The following KCNH5 variants were observed in gnomAD, a reference collection of about 807,000 sequenced individuals.
The protein encoded by KCNH5 is potassium voltage-gated channel subfamily H member 5, also known as voltage-gated delayed rectifier potassium channel KCNH5.
KCNH5 carries 46 observed loss-of-function variants against 96.1 expected under a neutral mutation model. The observed-to-expected ratio is 0.48, with a 90% CI of 0.38 to 0.61. The LOEUF (loss-of-function observed/expected upper bound fraction) is 0.61, where lower values mean the gene tolerates loss of function less well. KCNH5 is among the 20% of genes least tolerant of loss of function. KCNH5 has a pLI of 0.00. For missense variants in KCNH5, 907 were observed against 1,225.8 expected, an observed-to-expected ratio of 0.74 and a Z score of 3.88; for synonymous variants, 439 against 449.8, an observed-to-expected ratio of 0.98 and a Z score of 0.30.
intron 8 of KCNH5, among the ~76,000 whole-genome samples, chr14:62,839,885 G>T (rs956162532): frequency 5.3e-5 from 8 of 152,056 alleles, no homozygotes; most frequent in South Asian, 2.1e-4. Context: ...AAATTCTATT[G>T]TTTTTTTCTA....
At chr14:62,886,327 T>C (rs867813386) in intron 7 of KCNH5, among the ~76,000 whole-genome samples, 10 of 152,186 alleles carry the variant, frequency 6.6e-5, no homozygotes, top group African/African-American at 2.2e-4. Flanking sequence ...ACGTGAAAAT[T>C]TGTGCTTTGA....
At position 62,732,271 on chromosome 14, in the gene KCNH5, G is replaced by A. The variant is rs183367747; in HGVS notation, c.2020-23816C>T. On this transcript the variant is annotated intron_variant, in intron 10 of 10. Transcript: ENST00000322893. ...CTCCACCTATAGAATGAACACAACC[G>A]TGCTTCTTTTTCTCTTTCCTTTCCC... Among the ~76,000 whole-genome samples, 453 of 152,066 alleles carry A rather than the reference G, an allele frequency of 3.0e-3. 3 individuals are homozygous for A. The highest frequency in any genetic ancestry group is 8.7e-3 in the Admixed American group (133 of 15,288).
intron 7 of KCNH5, among the ~76,000 whole-genome samples, chr14:62,881,672 C>T (rs1888494803): frequency 2.0e-5 from 3 of 152,154 alleles, no homozygotes; most frequent in African/African-American, 7.2e-5. Flanking sequence ...ATGCACATTA[C>T]TAGTCATGGG....
intron 9 of KCNH5, among the ~76,000 whole-genome samples, chr14:62,795,306 G>A (rs1886517653): frequency 6.6e-6 from 1 of 152,142 alleles, no homozygotes; most frequent in South Asian, 2.1e-4. Context: ...ATATAGCAGA[G>A]TTGGCCCTCC....
chr14:62,830,059 G>A (rs976557013), intron 8 of KCNH5, among the ~76,000 whole-genome samples: 3 of 152,130 alleles, frequency 2.0e-5, no homozygotes, highest in Non-Finnish European at 4.4e-5. Context: ...TACATCTCTA[G>A]GGCAGGGGCA....
In KCNH5 at chr14:62,702,193, C is replaced by T. The variant is rs540959424; in HGVS notation, c.*5315G>A. On this transcript the variant is annotated 3_prime_UTR_variant, in exon 11 of 11. Transcript: ENST00000322893. ...ACCACATTTGACAGTTTACTTTGGC[C>T]GATGTCTTTCAACTGTTAGGAGAAG... The T allele has an allele frequency of 8.5e-5, 13 of 152,146 alleles. No individual in the cohort carries two copies. The highest frequency in any genetic ancestry group is 4.6e-4 in the Admixed American group (7 of 15,264). 9.4% of individuals were successfully genotyped at this position (152,146 alleles called of 1,614,324 possible). A position where few individuals can be genotyped will look rare whatever the true frequency, so the allele number is the denominator to read the frequency against.
At chr14:62,729,861 A>C in intron 10 of KCNH5, among the ~76,000 whole-genome samples, 1 of 152,220 alleles carries the variant, frequency 6.6e-6, no homozygotes, top group African/African-American at 2.4e-5. Flanking sequence ...GCACCAGTAC[A>C]TCTAGGGGAC....
At chr14:63,012,541 C>T (rs1280294835) in intron 2 of KCNH5, among the ~76,000 whole-genome samples, 1 of 152,074 alleles carries the variant, frequency 6.6e-6, no homozygotes, top group African/African-American at 2.4e-5. Flanking sequence ...TTCTATTATC[C>T]AGCAATCCCA....
In KCNH5 at chr14:62,773,419, TGAG is replaced by T. The variant is rs543147989; in HGVS notation, c.2019+6306_2019+6308del. Reference sequence around the variant, plus strand: ...CATCTCCTTTATGCCGCCTGTGTACTGAGAATAACCCTCTCGTAGCACTTATCT... The same window carrying T: ...CATCTCCTTTATGCCGCCTGTGTACTAATAACCCTCTCGTAGCACTTATCT... On this transcript the variant is annotated intron_variant, in intron 10 of 10. Coordinates refer to ENST00000322893, the MANE Select transcript of KCNH5 (RefSeq NM_139318.5). Among the ~76,000 whole-genome samples the T allele has an allele frequency of 8.1e-4, 123 of 152,310 alleles. 1 individual carries two copies. The highest frequency in any genetic ancestry group is 1.2e-3 in the Non-Finnish European group (84 of 68,026).
chr14:62,925,910 G>T (rs183513185), intron 7 of KCNH5, among the ~76,000 whole-genome samples: 25 of 152,146 alleles, frequency 1.6e-4, no homozygotes, highest in African/African-American at 6.0e-4. Flanking sequence ...TCAGATAAAA[G>T]TCCTTACAGT....
intron 9 of KCNH5, among the ~76,000 whole-genome samples, chr14:62,801,862 A>C (rs1886668579): frequency 6.6e-6 from 1 of 152,034 alleles, no homozygotes; most frequent in South Asian, 2.1e-4. Flanking sequence ...CTGGGGTAAA[A>C]TGATCTATTT....
rs66735494 is a variant in KCNH5, at chr14:62,878,201, TGG to T, written c.1370-28351_1370-28350del. Among the ~76,000 whole-genome samples, 78 of 89,598 alleles carry T rather than the reference TGG, an allele frequency of 8.7e-4. 1 individual carries two copies. The highest frequency in any genetic ancestry group is 4.0e-3 in the African/African-American group (74 of 18,528). 58.8% of individuals were successfully genotyped at this position (89,598 alleles called of 152,430 possible). ...CACACTCTGGGGACTGTTGTGGGGA[TGG>T]GGGGGGGGGCGGAGGGATAGCATTA... On this transcript the variant is annotated intron_variant, in intron 7 of 10. Transcript: ENST00000322893.
chr14:63,038,667 A>T (rs893010930), intron 1 of KCNH5, among the ~76,000 whole-genome samples: 1 of 152,098 alleles, frequency 6.6e-6, no homozygotes, highest in Non-Finnish European at 1.5e-5. Context: ...ACTAGGTAAT[A>T]GTATCCACAT....
chr14:62,797,859 G>GAT (rs1430732058), intron 9 of KCNH5, among the ~76,000 whole-genome samples: 2 of 151,808 alleles, frequency 1.3e-5, no homozygotes, highest in African/African-American at 4.8e-5. Flanking sequence ...CCCAAATACA[G>GAT]ATATATGCCA....
Position 62,908,782 on chromosome 14 carries a change from A to ATTTTTTTTTTTTTTTTTTTTTTTTTTTTT in KCNH5, c.1369+41322_1369+41350dup, listed in dbSNP as rs71120241. On this transcript the variant is annotated intron_variant, in intron 7 of 10. Coordinates refer to ENST00000322893, the MANE Select transcript of KCNH5 (RefSeq NM_139318.5). ...TTGCCCTTTGTTGATTTTGCTTTGT[A>ATTTTTTTTTTTTTTTTTTTTTTTTTTTTT]TTTTTTTTTTTTTTTTTTTTTTTTT... Among the ~76,000 whole-genome samples, 6 of 23,718 alleles carry ATTTTTTTTTTTTTTTTTTTTTTTTTTTTT rather than the reference A, an allele frequency of 2.5e-4. 2 individuals are homozygous for ATTTTTTTTTTTTTTTTTTTTTTTTTTTTT. In the East Asian group the frequency reaches 5.0e-3, roughly 20 times the overall value. 15.6% of individuals were successfully genotyped at this position (23,718 alleles called of 152,430 possible).
At chr14:62,842,345 A>G (rs1399549606) in intron 8 of KCNH5, among the ~76,000 whole-genome samples, 1 of 152,040 alleles carries the variant, frequency 6.6e-6, no homozygotes, top group Non-Finnish European at 1.5e-5. Flanking sequence ...TGAGGTTTCA[A>G]ATAAAGTCTA....
chr14:63,031,540 A>T (rs1269660376), intron 1 of KCNH5, among the ~76,000 whole-genome samples: 1 of 152,112 alleles, frequency 6.6e-6, no homozygotes, highest in African/African-American at 2.4e-5. Context: ...TTTTTATGAA[A>T]ATCATATCCT....
intron 10 of KCNH5, among the ~76,000 whole-genome samples, chr14:62,720,399 T>C (rs1884781490): frequency 1.1e-5 from 1 of 88,090 alleles, no homozygotes. Flanking sequence ...AAGAGACTTT[T>C]TGACCCCGTC....
intron 10 of KCNH5, chr14:62,712,820 T>C: frequency 1.4e-6 from 1 of 713,766 alleles, no homozygotes; most frequent in South Asian, 1.5e-5. Context: ...AGACTCTCCT[T>C]ACTCTCCAAA....
Sources: allele counts gnomAD v4.1 joint callset (sites outside exome capture counted in the v4.1 genomes callset), GRCh38; gene constraint gnomAD v4.1.1; transcripts MANE v1.5; gene names NCBI Gene and HGNC (gene_info 2026-07-23, HGNC 2026-07-21).